The following GRM7 variants were observed in gnomAD, a reference collection of about 807,000 sequenced individuals.
GRM7 encodes metabotropic glutamate receptor 7.
GRM7 carries 35 observed loss-of-function variants against 84.5 expected under a neutral mutation model. The ratio of observed to expected loss-of-function variants is 0.41; its 90% confidence interval spans 0.32 to 0.55. The LOEUF (loss-of-function observed/expected upper bound fraction) is 0.55. Ranked by LOEUF, GRM7 falls within the 20% of genes least tolerant of loss-of-function variation. The pLI is 0.19. For synonymous variants in GRM7, 487 were observed against 455.1 expected (o/e 1.07, Z -0.89); for missense variants, 1,003 against 1,194.6 (o/e 0.84, Z 2.36).
intron 1 of GRM7, among the ~76,000 whole-genome samples, chr3:7,019,078 C>T (rs1695676595): frequency 6.6e-6 from 1 of 152,164 alleles, no homozygotes; most frequent in Non-Finnish European, 1.5e-5. Context: ...GCCTCCCTCT[C>T]CAGAGGAAGA....
At chr3:7,382,736 G>T (rs1460329018) in intron 4 of GRM7, among the ~76,000 whole-genome samples, 1 of 152,176 alleles carries the variant, frequency 6.6e-6, no homozygotes, top group Non-Finnish European at 1.5e-5. Context: ...GTTGAGATAT[G>T]GGTAACCTAA....
At chr3:7,285,101 A>G (rs1699382691) in intron 2 of GRM7, among the ~76,000 whole-genome samples, 1 of 152,138 alleles carries the variant, frequency 6.6e-6, no homozygotes, top group Non-Finnish European at 1.5e-5. Flanking sequence ...TGTCAAGGGC[A>G]GTTGGCAGAT....
intron 1 of GRM7, among the ~76,000 whole-genome samples, chr3:7,106,238 A>T (rs1396233946): frequency 6.6e-6 from 1 of 151,520 alleles, no homozygotes; most frequent in Non-Finnish European, 1.5e-5. Flanking sequence ...AAATTTGAAA[A>T]GGTCAGGAAC....
rs144378686 is a variant in GRM7, at chr3:6,944,005, A to C, written c.519+82098A>C. 1.4e-3 allele frequency among the ~76,000 whole-genome samples: 212 copies of C among 152,122 alleles called. 2 individuals are homozygous for C. Among genetic ancestry groups the C allele is most frequent in the African/African-American group, 4.9e-3 (205 of 41,546 alleles). On this transcript the variant is annotated intron_variant, in intron 1 of 9. Transcript: ENST00000357716. Reference sequence around the variant, plus strand: ...TTTCTAGCATATAGAAATATTGTACATTTGGTTTTGTATACTGACCTTTTA... The same window carrying C: ...TTTCTAGCATATAGAAATATTGTACCTTTGGTTTTGTATACTGACCTTTTA...
Position 7,487,077 on chromosome 3 carries a change from G to T in GRM7, c.1515+25355G>T, listed in dbSNP as rs1699349423. On this transcript the variant is annotated intron_variant, in intron 7 of 9. Coordinates refer to ENST00000357716, the MANE Select transcript of GRM7 (RefSeq NM_000844.4). ...GGGATTTGAAGTAAAATACAGTTGT[G>T]AAGAACTTGGCACCATTGCCTCCCT... 5.3e-5 allele frequency among the ~76,000 whole-genome samples: 8 copies of T among 152,136 alleles called. No individual in the cohort carries two copies. The South Asian group carries it at 8.3e-4, about 16-fold the overall frequency.
At chr3:7,268,400 G>A (rs538277493) in intron 2 of GRM7, among the ~76,000 whole-genome samples, 30 of 152,150 alleles carry the variant, frequency 2.0e-4, no homozygotes, top group South Asian at 8.3e-4. Context: ...AGGCTGCAGT[G>A]AGCCATGATT....
chr3:7,603,520 T>C (rs756421652), intron 8 of GRM7, among the ~76,000 whole-genome samples: 2 of 152,130 alleles, frequency 1.3e-5, no homozygotes, highest in African/African-American at 2.4e-5. Context: ...CAGAGAAAAA[T>C]TGTGCAAGCT....
At chr3:6,946,012 C>G (rs1226869786) in intron 1 of GRM7, among the ~76,000 whole-genome samples, 1 of 152,146 alleles carries the variant, frequency 6.6e-6, no homozygotes, top group Non-Finnish European at 1.5e-5. Flanking sequence ...TGTAGGTTGC[C>G]TGTTCACTAT....
At position 7,316,045 on chromosome 3, in the gene GRM7, A is replaced by G. The variant is rs192504176; in HGVS notation, c.1033+9393A>G. 5.5e-4 allele frequency among the ~76,000 whole-genome samples: 83 copies of G among 152,254 alleles called. No individual in the cohort carries two copies. The East Asian group carries it at 0.015, about 28-fold the overall frequency. On this transcript the variant is annotated intron_variant, in intron 4 of 9. Coordinates refer to ENST00000357716, the MANE Select transcript of GRM7 (RefSeq NM_000844.4). ...TGTCTTTTGATAAGTGATTTGAATA[A>G]ATAAAGGAATTATCCAAGTATCTAT... is the stretch of plus-strand genomic sequence containing the variant.
rs534970307 is a variant in GRM7, at chr3:7,052,945, G to C, written c.520-93507G>C. On this transcript the variant is annotated intron_variant, in intron 1 of 9. Transcript: ENST00000357716. ...TTGCTGGGTTTTATTGTAAGGGTAT[G>C]TTTAACTTCATAAGAAACTGCTCAA... Among the ~76,000 whole-genome samples the C allele has an allele frequency of 1.1e-4, 17 of 151,216 alleles. No individual in the cohort carries two copies. In the South Asian group the frequency reaches 3.5e-3, roughly 31 times the overall value.
At chr3:7,480,170 T>C (rs2124935521) in intron 7 of GRM7, among the ~76,000 whole-genome samples, 1 of 152,234 alleles carries the variant, frequency 6.6e-6, no homozygotes, top group African/African-American at 2.4e-5. Flanking sequence ...AGAAAGATGC[T>C]CACAATTATC....
intron 9 of GRM7, among the ~76,000 whole-genome samples, chr3:7,687,974 T>C (rs924245394): frequency 6.6e-6 from 1 of 152,162 alleles, no homozygotes; most frequent in Admixed American, 6.6e-5. Flanking sequence ...CCAGTGAATA[T>C]GTAACTGTAT....
intron 4 of GRM7, among the ~76,000 whole-genome samples, chr3:7,377,029 C>T (rs1368711937): frequency 1.3e-5 from 2 of 152,066 alleles, no homozygotes; most frequent in Non-Finnish European, 2.9e-5. Flanking sequence ...CAAAGTAGAC[C>T]CAAATACACT....
chr3:7,384,950 T>A (rs1413816363), intron 4 of GRM7, among the ~76,000 whole-genome samples: 1 of 152,214 alleles, frequency 6.6e-6, no homozygotes, highest in African/African-American at 2.4e-5. Flanking sequence ...AAACAATAGA[T>A]GTAATACTGG....
At chr3:7,435,425 G>T (rs1697004086) in intron 5 of GRM7, among the ~76,000 whole-genome samples, 1 of 151,886 alleles carries the variant, frequency 6.6e-6, no homozygotes, top group Non-Finnish European at 1.5e-5. Context: ...CAAAGTGCTG[G>T]GATTACAGGT....
intron 1 of GRM7, among the ~76,000 whole-genome samples, chr3:7,002,664 A>G (rs934183787): frequency 1.5e-4 from 23 of 152,130 alleles, no homozygotes; most frequent in Admixed American, 6.6e-5. Flanking sequence ...GGATTTTTGG[A>G]AAATAGTATA....
chr3:6,889,546 A>G (rs1695847015), intron 1 of GRM7, among the ~76,000 whole-genome samples: 1 of 152,156 alleles, frequency 6.6e-6, no homozygotes, highest in African/African-American at 2.4e-5. Context: ...ATTGATTTGC[A>G]TATATTGAAC....
At chr3:7,700,731 A>T (rs146601857) in intron 9 of GRM7, among the ~76,000 whole-genome samples, 416 of 152,318 alleles carry the variant, frequency 2.7e-3, no homozygotes, top group African/African-American at 8.8e-3. Flanking sequence ...AAAGGCATTG[A>T]AAGACATGAA....
intron 2 of GRM7, among the ~76,000 whole-genome samples, chr3:7,213,978 A>C (rs1449048396): frequency 6.6e-6 from 1 of 152,224 alleles, no homozygotes; most frequent in Admixed American, 6.5e-5. Flanking sequence ...CTTCTTGCTA[A>C]GTATCTCATT....
Sources: allele counts gnomAD v4.1 joint callset (sites outside exome capture counted in the v4.1 genomes callset), GRCh38; gene constraint gnomAD v4.1.1; transcripts MANE v1.5; gene names NCBI Gene and HGNC (gene_info 2026-07-23, HGNC 2026-07-21).